ALDH3B1: variants seen among roughly 807,000 people sequenced by gnomAD.
The protein encoded by ALDH3B1 is aldehyde dehydrogenase 3 family member B1.
Under a neutral mutation model 46.2 loss-of-function variants are expected in ALDH3B1, and 37 were observed. The observed-to-expected ratio is 0.80, with a 90% CI of 0.62 to 1.05. The LOEUF (loss-of-function observed/expected upper bound fraction) is 1.05. ALDH3B1 is among the 50% of genes least tolerant of loss of function. The pLI is 0.00. For synonymous variants in ALDH3B1, 283 were observed against 281.0 expected (o/e 1.01, Z -0.07); for missense variants, 603 against 665.5 (o/e 0.91, Z 1.03).
chr11:68,013,467 G>A (rs1355950342), intron 1 of ALDH3B1, among the ~76,000 whole-genome samples: 1 of 152,242 alleles, frequency 6.6e-6, no homozygotes, highest in African/African-American at 2.4e-5. Flanking sequence ...ACCACTGGCA[G>A]AAGTCTGAAG....
chr11:68,015,967 G>A (rs1440032893), intron 2 of ALDH3B1: 1 of 264,564 alleles, frequency 3.8e-6, no homozygotes, highest in African/African-American at 2.3e-5. Context: ...TCAGGAGGCT[G>A]AGGCATGAGA....
rs11228121 is a variant in ALDH3B1, at chr11:68,016,059, C to A, written c.162+600C>A. 630 of 172,874 alleles carry A rather than the reference C, an allele frequency of 3.6e-3. 1 individual carries two copies. Among genetic ancestry groups the A allele is most frequent in the African/African-American group, 0.011 (479 of 41,836 alleles). The allele number at this position is 172,874 out of a possible 1,614,324, so 10.7% of individuals were successfully genotyped here. ...CCAGCTTGGGCAACACAGTGAGACT[C>A]CATCTCAAAAATAATAATAAAGATA... is the stretch of plus-strand genomic sequence containing the variant. On this transcript the variant is annotated intron_variant, in intron 2 of 9. Coordinates refer to ENST00000342456, the MANE Select transcript of ALDH3B1 (RefSeq NM_000694.4).
intron 9 of ALDH3B1, among the ~76,000 whole-genome samples, chr11:68,026,744 A>T (rs1590784251): frequency 6.6e-6 from 1 of 152,194 alleles, no homozygotes; most frequent in African/African-American, 2.4e-5. Context: ...AGCAGGTGAC[A>T]GGCAGTCCCG....
intron 1 of ALDH3B1, among the ~76,000 whole-genome samples, chr11:68,013,022 G>A (rs983976680): frequency 3.3e-5 from 5 of 151,964 alleles, no homozygotes; most frequent in Non-Finnish European, 5.9e-5. Context: ...GATGAGTGCC[G>A]CGGGGGTGGG....
chr11:68,010,679 C>A (rs967466253), intron 1 of ALDH3B1, among the ~76,000 whole-genome samples: 3 of 152,192 alleles, frequency 2.0e-5, no homozygotes, highest in Admixed American at 6.5e-5. Context: ...CCTGGGATTC[C>A]CGGACACCCT....
Position 68,021,628 on chromosome 11 carries a change from C to A in ALDH3B1, c.706C>A (p.Arg236Ser). 1.2e-6 allele frequency: 2 copies of A among 1,614,060 alleles called. No individual in the cohort carries two copies. Among genetic ancestry groups the A allele is most frequent in the Non-Finnish European group, 1.7e-6 (2 of 1,179,984 alleles). ...QTVANRVAWF[R>S]YFNAGQTCVA... ...CGTGGCCAACCGCGTGGCCTGGTTC[C>A]GCTACTTCAACGCCGGCCAGACCTG... is the stretch of plus-strand genomic sequence containing the variant. Residue 236 changes from arginine (R) to serine (S), a missense_variant, in exon 7 of 10, where the codon CGC (arginine) becomes AGC (serine). Transcript: ENST00000342456.
chr11:68,019,245 A>C lies in ALDH3B1; in HGVS notation c.470A>C (p.Tyr157Ser). 6.2e-7 allele frequency: 1 copy of C among 1,612,926 alleles called. No individual in the cohort carries two copies. The stretch of plus-strand genomic sequence containing the variant: ...ATCCTGGCCGAGGTGCTGCCCCAAT[A>C]CGTGGACCAGGTGAGCAGGGCTGCC... ...EKILAEVLPQ[Y>S]VDQSCFAVVL... is the part of the protein sequence containing the mutation. The change falls in exon 5 of 10, where the codon TAC (tyrosine) becomes TCC (serine). Residue 157 changes from tyrosine to serine, a missense_variant. By Grantham distance (144) the Tyr-to-Ser change is moderately radical (BLOSUM62 -2). Coordinates refer to ENST00000342456, the MANE Select transcript of ALDH3B1 (RefSeq NM_000694.4).
rs1369461542 is a variant in ALDH3B1, at chr11:68,026,208, G to A, written c.1216+100G>A. The stretch of plus-strand genomic sequence containing the variant: ...CAAAGCACCCCAGCCCCACCTCAAT[G>A]TAGAGGGACAGGCAAGGAGGCCTCA... On this transcript the variant is annotated intron_variant, in intron 9 of 9. Transcript: ENST00000342456. 9 of 1,069,490 alleles carry A rather than the reference G, an allele frequency of 8.4e-6. No homozygotes were observed. The Admixed American group carries it at 1.7e-4, about 20-fold the overall frequency. The allele number at this position is 1,069,490 out of a possible 1,614,324, so 66.3% of individuals were successfully genotyped here.
In ALDH3B1 at chr11:68,028,574, G is replaced by C. The variant is rs1014245049; in HGVS notation, c.*635G>C. On this transcript the variant is annotated 3_prime_UTR_variant, in exon 10 of 10. Transcript: ENST00000342456. ...TGCCTGTAATCCCAGCTACTCAGGA[G>C]GCTAAGGCAGGAGAATCGCTTGAAC... is the stretch of plus-strand genomic sequence containing the variant. 1.2e-5 allele frequency: 2 copies of C among 160,300 alleles called. No homozygotes were observed. Among genetic ancestry groups the C allele is most frequent in the African/African-American group, 2.4e-5 (1 of 41,452 alleles). 9.9% of individuals were successfully genotyped at this position (160,300 alleles called of 1,614,324 possible).
chr11:68,015,741 C>T, intron 2 of ALDH3B1: 1 of 599,086 alleles, frequency 1.7e-6, no homozygotes, highest in Non-Finnish European at 3.1e-6. Flanking sequence ...AGATGACCTT[C>T]TATCGGAGAC....
At chr11:68,017,528 T>C (rs1373979343) in intron 2 of ALDH3B1, 5 of 152,614 alleles carry the variant, frequency 3.3e-5, no homozygotes, top group African/African-American at 1.2e-4. Context: ...CTGGCCCCAG[T>C]GTCCCTGACC....
intron 7 of ALDH3B1, 87 bp downstream of exon 7, chr11:68,021,958 C>T (rs1390331468): frequency 3.6e-5 from 54 of 1,512,606 alleles, no homozygotes; most frequent in East Asian, 4.6e-5. Flanking sequence ...ACTCTGGACC[C>T]GCGCCTGAAA....
At chr11:68,016,557 C>T (rs1460179828) in intron 2 of ALDH3B1, 4 of 152,868 alleles carry the variant, frequency 2.6e-5, no homozygotes, top group Admixed American at 6.5e-5. Context: ...AAGAAACACA[C>T]TTCCCCCAAC....
At chr11:68,015,160 T>G in intron 1 of ALDH3B1, 137 bp from the exon 2 acceptor site, 1 of 910,000 alleles carries the variant, frequency 1.1e-6, no homozygotes, top group Non-Finnish European at 1.6e-6. Context: ...GGTCCCTGTG[T>G]GTGTATAAGG....
At chr11:68,019,828 G>T in intron 6 of ALDH3B1, 32 bp downstream of exon 6, 4 of 1,609,116 alleles carry the variant, frequency 2.5e-6, no homozygotes, top group Non-Finnish European at 2.6e-6. Context: ...GGACAGGCTG[G>T]GGTCGGGGAG....
chr11:68,014,494 G>A (rs987195987), intron 1 of ALDH3B1, among the ~76,000 whole-genome samples: 2 of 152,190 alleles, frequency 1.3e-5, no homozygotes, highest in Admixed American at 6.5e-5. Context: ...GGCAGGGCTC[G>A]GGGGAATGTC....
chr11:68,015,684 G>T, intron 2 of ALDH3B1: 1 of 709,334 alleles, frequency 1.4e-6, no homozygotes, highest in Non-Finnish European at 2.5e-6. Flanking sequence ...ACTGTTCTAG[G>T]CTCTGGGGAT....
Position 68,026,002 on chromosome 11 carries a change from C to A in ALDH3B1, c.1117-7C>A. 6.3e-7 allele frequency: 1 copy of A among 1,588,852 alleles called. No individual in the cohort carries two copies. Among genetic ancestry groups the A allele is most frequent in the Non-Finnish European group, 8.6e-7 (1 of 1,167,582 alleles). On this transcript the variant is annotated splice_region_variant and splice_polypyrimidine_tract_variant and intron_variant, in intron 8 of 9. Transcript: ENST00000342456. ...GGCAGCCTCACGCACATCCTGTTCT[C>A]TCCCAGGTGGTCAAGCGGGTGCTGA...
At position 68,019,590 on chromosome 11, in the gene ALDH3B1, C is replaced by T. The variant is rs1857438146; in HGVS notation, c.481-125C>T. On this transcript the variant is annotated intron_variant, in intron 5 of 9. Transcript: ENST00000342456. Reference sequence around the variant, plus strand: ...CCCACTTTGCCTCCACCCAACCCTCCTAGAGCCCTGGCTGGGTCAGGCCAG... The same window carrying T: ...CCCACTTTGCCTCCACCCAACCCTCTTAGAGCCCTGGCTGGGTCAGGCCAG... 4 of 1,083,912 alleles carry T rather than the reference C, an allele frequency of 3.7e-6. No individual in the cohort carries two copies. In the East Asian group the frequency reaches 9.7e-5, roughly 26 times the overall value. 67.1% of individuals were successfully genotyped at this position (1,083,912 alleles called of 1,614,324 possible). A position where few individuals can be genotyped will look rare whatever the true frequency, so the allele number is the denominator to read the frequency against.
Sources: gnomAD v4.1 joint callset for allele counts (sites outside exome capture counted in the v4.1 genomes callset) on GRCh38, gnomAD v4.1.1 for gene constraint, MANE v1.5 for transcripts, NCBI Gene and HGNC (gene_info 2026-07-23, HGNC 2026-07-21) for gene names.